The following ULK4 variants were observed in gnomAD, a reference collection of about 807,000 sequenced individuals.
ULK4 encodes the protein inactive serine/threonine-protein kinase ULK4.
In ULK4, 133 loss-of-function variants were observed where a neutral mutation model predicts 160.6. That is an observed-to-expected ratio of 0.83 (90% CI 0.72 to 0.96). ULK4 has a LOEUF of 0.96. Ranked by LOEUF, ULK4 falls within the 40% of genes least tolerant of loss-of-function variation. ULK4 has a pLI of 0.00. For synonymous variants in ULK4, 534 were observed against 539.8 expected (o/e 0.99, Z 0.15); for missense variants, 1,580 against 1,499.5 (o/e 1.05, Z -0.89).
chr3:41,316,444 C>T (rs574740911), intron 35 of ULK4, among the ~76,000 whole-genome samples: 2 of 152,132 alleles, frequency 1.3e-5, no homozygotes, highest in African/African-American at 2.4e-5. Context: ...AAATGGAGCA[C>T]AAAATCATAT....
chr3:41,871,796 T>C (rs1425059975), intron 17 of ULK4, among the ~76,000 whole-genome samples: 2 of 152,246 alleles, frequency 1.3e-5, no homozygotes, highest in Non-Finnish European at 2.9e-5. Flanking sequence ...TTTCATCATC[T>C]TAACAGGGTC....
At chr3:41,307,454 T>C (rs1303812359) in intron 35 of ULK4, among the ~76,000 whole-genome samples, 2 of 152,150 alleles carry the variant, frequency 1.3e-5, no homozygotes, top group Non-Finnish European at 1.5e-5. Context: ...TCCAATAATA[T>C]AACATTAGAG....
chr3:41,922,989 T>C (rs954135715), intron 5 of ULK4, among the ~76,000 whole-genome samples: 5 of 151,592 alleles, frequency 3.3e-5, no homozygotes, highest in South Asian at 2.1e-4. Context: ...CTGGCCAACA[T>C]AGTGAAACCC....
At chr3:41,835,837 G>GCA in intron 18 of ULK4, 27 bp downstream of exon 18, 1 of 1,495,444 alleles carries the variant, frequency 6.7e-7, no homozygotes, top group Non-Finnish European at 9.2e-7. Context: ...ATGTCAAACA[G>GCA]CAACAGAGTT....
At chr3:41,521,875 A>C in intron 32 of ULK4, among the ~76,000 whole-genome samples, 1 of 152,144 alleles carries the variant, frequency 6.6e-6, no homozygotes, top group Non-Finnish European at 1.5e-5. Flanking sequence ...CAGCTATTTC[A>C]ATTGCCTTGC....
In ULK4 at chr3:41,780,484, C is replaced by T. The variant is rs181655439; in HGVS notation, c.2193+9177G>A. ...CGAAGCACACAGATTCAAGAGACTA[C>T]CCAAGATCACATTTTCTGTCAGTTT... is the stretch of plus-strand genomic sequence containing the variant. On this transcript the variant is annotated intron_variant, in intron 21 of 36. Transcript: ENST00000301831. 3.4e-4 allele frequency among the ~76,000 whole-genome samples: 51 copies of T among 152,154 alleles called. No homozygotes were observed. The East Asian group carries it at 7.0e-3, about 21-fold the overall frequency.
chr3:41,352,651 T>C (rs1014918753), intron 35 of ULK4, among the ~76,000 whole-genome samples: 3 of 152,152 alleles, frequency 2.0e-5, no homozygotes, highest in Non-Finnish European at 4.4e-5. Flanking sequence ...GTAAACACCA[T>C]ACTAACTTCC....
chr3:41,457,459 T>A (rs1488567913), intron 33 of ULK4, among the ~76,000 whole-genome samples: 1 of 152,168 alleles, frequency 6.6e-6, no homozygotes, highest in Non-Finnish European at 1.5e-5. Flanking sequence ...AAGAGAAGGC[T>A]ACAGCTTTGC....
At chr3:41,667,825 G>C (rs1458595588) in intron 29 of ULK4, among the ~76,000 whole-genome samples, 1 of 152,184 alleles carries the variant, frequency 6.6e-6, no homozygotes, top group African/African-American at 2.4e-5. Flanking sequence ...CCATTCCAAA[G>C]AAGAGAAAAT....
intron 30 of ULK4, among the ~76,000 whole-genome samples, chr3:41,638,196 A>C (rs941523400): frequency 2.0e-5 from 3 of 152,178 alleles, no homozygotes; most frequent in Non-Finnish European, 4.4e-5. Context: ...GTTTTTTAAA[A>C]GTATGTTGTT....
intron 31 of ULK4, among the ~76,000 whole-genome samples, chr3:41,599,890 G>T (rs2031953667): frequency 6.6e-6 from 1 of 152,066 alleles, no homozygotes; most frequent in African/African-American, 2.4e-5. Context: ...AAATGAGAAA[G>T]TTACTGAATA....
At chr3:41,682,169 A>T (rs74736920) in intron 27 of ULK4, among the ~76,000 whole-genome samples, 70 of 152,296 alleles carry the variant, frequency 4.6e-4, no homozygotes, top group Admixed American at 3.3e-3. Context: ...CCTAAACAAC[A>T]ATCAAAATGT....
intron 25 of ULK4, among the ~76,000 whole-genome samples, chr3:41,712,448 A>C (rs1345005938): frequency 6.6e-6 from 1 of 152,244 alleles, no homozygotes; most frequent in East Asian, 1.9e-4. Flanking sequence ...CAGCTTCTAA[A>C]AGTGGACTAA....
At chr3:41,282,035 T>A (rs2079365676) in intron 35 of ULK4, among the ~76,000 whole-genome samples, 1 of 151,964 alleles carries the variant, frequency 6.6e-6, no homozygotes, top group African/African-American at 2.4e-5. Flanking sequence ...AAATCATGAG[T>A]GAACTCCCAT....
intron 9 of ULK4, among the ~76,000 whole-genome samples, chr3:41,911,877 G>T (rs1698799274): frequency 6.6e-6 from 1 of 152,202 alleles, no homozygotes; most frequent in South Asian, 2.1e-4. Context: ...CTAAGGCCAG[G>T]CGTGGTGGTA....
At chr3:41,389,022 C>G (rs1040009429) in intron 35 of ULK4, among the ~76,000 whole-genome samples, 4 of 151,862 alleles carry the variant, frequency 2.6e-5, no homozygotes, top group Non-Finnish European at 5.9e-5. Context: ...GAATGTTCTT[C>G]CATTTCTTTG....
chr3:41,903,919 A>G (rs1698460299), intron 12 of ULK4, among the ~76,000 whole-genome samples: 1 of 151,848 alleles, frequency 6.6e-6, no homozygotes, highest in African/African-American at 2.4e-5. Context: ...CCAATATCAA[A>G]ATGTATGAGA....
chr3:41,775,678 C>A (rs2039585599), intron 21 of ULK4, among the ~76,000 whole-genome samples: 1 of 150,714 alleles, frequency 6.6e-6, no homozygotes, highest in Admixed American at 6.6e-5. Flanking sequence ...GGATTACAGG[C>A]ATGAGCCACC....
At chr3:41,866,854 T>C (rs1216103364) in intron 17 of ULK4, among the ~76,000 whole-genome samples, 1 of 152,234 alleles carries the variant, frequency 6.6e-6, no homozygotes, top group African/African-American at 2.4e-5. Context: ...AAAGTTCTGT[T>C]ATTCAAGCAC....
Sources: allele counts gnomAD v4.1 joint callset (sites outside exome capture counted in the v4.1 genomes callset), GRCh38; gene constraint gnomAD v4.1.1; transcripts MANE v1.5; gene names NCBI Gene and HGNC (gene_info 2026-07-23, HGNC 2026-07-21).